Variants in PCDHGA11 observed in about 807,000 individuals in gnomAD.
PCDHGA11 encodes protocadherin gamma subfamily A, 11, also known as protocadherin gamma-A11.
In PCDHGA11, 39 loss-of-function variants were observed where a neutral mutation model predicts 60.4. The observed-to-expected ratio is 0.65, with a 90% CI of 0.50 to 0.84. The LOEUF is 0.84. Among genes scored for constraint, PCDHGA11 ranks in the 40% least tolerant of loss-of-function variants. The pLI is 0.00. For synonymous variants in PCDHGA11, 533 were observed against 510.3 expected, an observed-to-expected ratio of 1.04 and a Z score of -0.60; for missense variants, 1,165 against 1,197.7, an observed-to-expected ratio of 0.97 and a Z score of 0.40.
At chr5:141,474,871 A>G (rs894657981) in intron 1 of PCDHGA11, among the ~76,000 whole-genome samples, 5 of 152,236 alleles carry the variant, frequency 3.3e-5, no homozygotes, top group African/African-American at 1.2e-4. Context: ...ATAGGATAGG[A>G]GCAGGAACTC....
At chr5:141,423,755 G>GT (rs542747697) in intron 1 of PCDHGA11, 95 bp downstream of exon 1, 5 of 512,416 alleles carry the variant, frequency 9.8e-6, no homozygotes, top group Admixed American at 7.1e-5. Context: ...CTGTTTGGGG[G>GT]GGGGGTGGGG....
At chr5:141,461,388 A>T (rs1025976806) in intron 1 of PCDHGA11, among the ~76,000 whole-genome samples, 5 of 152,164 alleles carry the variant, frequency 3.3e-5, no homozygotes, top group Admixed American at 6.5e-5. Context: ...CCTGATGATT[A>T]GCGATGTTGA....
rs1168242339 is a variant in PCDHGA11, at chr5:141,421,377, C to T, written c.150C>T (p.Ser50=). 3 of 1,613,924 alleles carry T rather than the reference C, an allele frequency of 1.9e-6. No individual in the cohort carries two copies. Among genetic ancestry groups the T allele is most frequent in the South Asian group, 1.1e-5 (1 of 91,094 alleles). The change falls in exon 1 of 4, where the codon TCC becomes TCT. Residue 50 remains serine (S), a synonymous_variant. Coordinates refer to ENST00000398587, the MANE Select transcript of PCDHGA11 (RefSeq NM_018914.3). ...TEKGSFVGNI[S]KDLGLEPREL... The stretch of plus-strand genomic sequence containing the variant: ...AGGGCTCCTTCGTGGGCAATATCTC[C>T]AAGGACCTGGGGCTGGAGCCCCGGG...
At position 141,486,112 on chromosome 5, in the gene PCDHGA11, G is replaced by A; in HGVS notation, c.2434-8695G>A. ...TGGGGCCCCTAGACTTTGAGAGTGA[G>A]AATTACTATGAATTTGATGTGCGGG... On this transcript the variant is annotated intron_variant, in intron 1 of 3. Transcript: ENST00000398587. This position sits in a 1 kb window ranked among gnomAD's most constrained non-coding sequence, Gnocchi z 5.0. 1 of 1,614,166 alleles carries A rather than the reference G, an allele frequency of 6.2e-7. No homozygotes were observed. Among genetic ancestry groups the A allele is most frequent in the Non-Finnish European group, 8.5e-7 (1 of 1,180,024 alleles).
chr5:141,430,984 C>G (rs765063685), intron 1 of PCDHGA11: 2 of 1,613,530 alleles, frequency 1.2e-6, no homozygotes, highest in Non-Finnish European at 1.7e-6. Flanking sequence ...CGCAGCTTTT[C>G]GCCCTGAATC....
At chr5:141,444,918 C>T (rs1197922745) in intron 1 of PCDHGA11, among the ~76,000 whole-genome samples, 1 of 152,106 alleles carries the variant, frequency 6.6e-6, no homozygotes, top group Non-Finnish European at 1.5e-5. Flanking sequence ...ATACCTTTAT[C>T]AGGGAAAGAG....
intron 1 of PCDHGA11, chr5:141,433,179 T>C (rs760574214): frequency 1.2e-5 from 20 of 1,608,614 alleles, no homozygotes; most frequent in Admixed American, 1.7e-5. Flanking sequence ...CATGGGTTAA[T>C]TGAGGTGAGT....
intron 1 of PCDHGA11, among the ~76,000 whole-genome samples, chr5:141,457,665 G>A (rs2098927092): frequency 6.6e-6 from 1 of 152,330 alleles, no homozygotes; most frequent in Non-Finnish European, 1.5e-5. Flanking sequence ...AGCAAGAATG[G>A]TTATTTCTAC....
intron 2 of PCDHGA11, among the ~76,000 whole-genome samples, chr5:141,502,186 CA>C (rs1470455379): frequency 1.3e-5 from 2 of 152,148 alleles, no homozygotes; most frequent in Non-Finnish European, 2.9e-5. Context: ...AACATTAATA[CA>C]ATAATATAGA....
intron 1 of PCDHGA11, chr5:141,433,240 C>A (rs533423214): frequency 1.3e-6 from 2 of 1,488,038 alleles, no homozygotes; most frequent in Non-Finnish European, 1.8e-6. Flanking sequence ...GTCTCCCAAG[C>A]TGGAATGCAG....
chr5:141,482,350 G>A lies in PCDHGA11; in HGVS notation c.2434-12457G>A, dbSNP rs184055854. ...AGAATATCTACTTTGCAAACTTGTT[G>A]TGAGAGTGAAAAGTAATGCATATAA... On this transcript the variant is annotated intron_variant, in intron 1 of 3. Coordinates refer to ENST00000398587, the MANE Select transcript of PCDHGA11 (RefSeq NM_018914.3). Among the ~76,000 whole-genome samples the A allele has an allele frequency of 5.3e-5, 8 of 152,200 alleles. No individual in the cohort carries two copies. In the East Asian group the frequency reaches 1.4e-3, roughly 26 times the overall value.
Position 141,422,062 on chromosome 5 carries a change from A to C in PCDHGA11, c.835A>C (p.Met279Leu). The C allele has an allele frequency of 2.5e-6, 4 of 1,612,140 alleles. No homozygotes were observed. The highest frequency in any genetic ancestry group is 3.4e-6 in the Non-Finnish European group (4 of 1,179,408). ...AGACGAGGGAATCAACGGGGAAGTA[A>C]TGTATTCATTTCGGAACATGGAAAG... The part of the protein sequence containing the change: ...DPDEGINGEV[M>L]YSFRNMESKA... Residue 279 changes from methionine to leucine, a missense_variant, in exon 1 of 4, where the codon ATG becomes CTG. By Grantham distance (15) the Met-to-Leu change is conservative. Transcript: ENST00000398587.
At chr5:141,424,016 T>G in intron 1 of PCDHGA11, 16 of 1,038,360 alleles carry the variant, frequency 1.5e-5, no homozygotes, top group Non-Finnish European at 1.3e-5. Context: ...AAATTAATGA[T>G]TCACAAACAC....
In PCDHGA11 at chr5:141,498,823, C is replaced by A. The variant is rs540865523; in HGVS notation, c.2492+3958C>A. ...TGGTGCACACCTGTAGTCCCAGCTA[C>A]TCAGGAGGCTGAGGCAGGGGAATCG... On this transcript the variant is annotated intron_variant, in intron 2 of 3. Coordinates refer to ENST00000398587, the MANE Select transcript of PCDHGA11 (RefSeq NM_018914.3). Among the ~76,000 whole-genome samples the A allele has an allele frequency of 9.2e-5, 14 of 152,166 alleles. No homozygotes were observed. The East Asian group carries it at 1.5e-3, about 17-fold the overall frequency.
intron 1 of PCDHGA11, among the ~76,000 whole-genome samples, chr5:141,449,042 A>G (rs1211970675): frequency 6.6e-6 from 1 of 152,186 alleles, no homozygotes; most frequent in Non-Finnish European, 1.5e-5. Context: ...ATTATTAACC[A>G]GTCTCATAAA....
chr5:141,450,085 C>T (rs997781052), intron 1 of PCDHGA11, among the ~76,000 whole-genome samples: 3 of 149,208 alleles, frequency 2.0e-5, no homozygotes, highest in Non-Finnish European at 4.4e-5. Context: ...TGGCTCACTG[C>T]AACCTCCGCC....
chr5:141,476,978 C>A lies in PCDHGA11; in HGVS notation c.2434-17829C>A, dbSNP rs1468851988. The A allele has an allele frequency of 2.5e-6, 4 of 1,614,138 alleles. No individual in the cohort carries two copies. Among genetic ancestry groups the A allele is most frequent in the Admixed American group, 3.3e-5 (2 of 60,012 alleles). On this transcript the variant is annotated intron_variant, in intron 1 of 3. Transcript: ENST00000398587. This position sits in a 1 kb window ranked among gnomAD's most constrained non-coding sequence, Gnocchi z 7.6. ...TATTTACTCCTTCGGCAGCCACAAC[C>A]GCGCCGGCGTGCGGCAACTATTCGC...
intron 1 of PCDHGA11, chr5:141,484,889 T>C (rs2099602721): frequency 2.8e-6 from 1 of 363,070 alleles, no homozygotes. Flanking sequence ...GTGGGCTTTT[T>C]CCCCTCCAAT....
intron 1 of PCDHGA11, among the ~76,000 whole-genome samples, chr5:141,449,056 G>A (rs149442150): frequency 6.6e-6 from 1 of 152,068 alleles, no homozygotes; most frequent in African/African-American, 2.4e-5. Flanking sequence ...TCATAAATGA[G>A]CGCTATTGAA....
Sources: gnomAD v4.1 joint callset for allele counts (sites outside exome capture counted in the v4.1 genomes callset) on GRCh38, gnomAD v4.1.1 for gene constraint, Gnocchi (gnomAD v3.1) non-coding constraint, MANE v1.5 for transcripts, NCBI Gene and HGNC (gene_info 2026-07-23, HGNC 2026-07-21) for gene names.